FOXN3: variants seen among roughly 807,000 people sequenced by gnomAD.
FOXN3 encodes the protein forkhead box protein N3.
In FOXN3, 7 loss-of-function variants were observed where a neutral mutation model predicts 38.4. The ratio of observed to expected loss-of-function variants is 0.18; its 90% CI spans 0.10 to 0.34. FOXN3 has a LOEUF of 0.34. Ranked by LOEUF, FOXN3 falls within the 10% of genes least tolerant of loss-of-function variation. The pLI, the probability that FOXN3 is intolerant of heterozygous loss-of-function variation, is 1.00. For missense variants in FOXN3, 456 were observed against 613.4 expected, an observed-to-expected ratio of 0.74 and a Z score of 2.71; for synonymous variants, 230 against 242.2, an observed-to-expected ratio of 0.95 and a Z score of 0.47.
At chr14:89,402,661 T>A (rs1229417923) in intron 2 of FOXN3, among the ~76,000 whole-genome samples, 1 of 152,130 alleles carries the variant, frequency 6.6e-6, no homozygotes, top group Non-Finnish European at 1.5e-5. Flanking sequence ...CTCCTGTCCT[T>A]CCCTGCACTC....
chr14:89,533,715 A>G (rs936815822), intron 1 of FOXN3, among the ~76,000 whole-genome samples: 2 of 149,612 alleles, frequency 1.3e-5, no homozygotes, highest in Non-Finnish European at 3.0e-5. Flanking sequence ...TTTAAGGTGA[A>G]AGCTTATTAT....
At chr14:89,380,679 C>G (rs146963131) in intron 2 of FOXN3, among the ~76,000 whole-genome samples, 1 of 152,368 alleles carries the variant, frequency 6.6e-6, no homozygotes, top group African/African-American at 2.4e-5. Flanking sequence ...AGGGTGCCCA[C>G]AACCCCGTCC....
Position 89,412,812 on chromosome 14 carries a change from T to C in FOXN3, c.-14-322A>G, listed in dbSNP as rs977311463. On this transcript the variant is annotated intron_variant, in intron 1 of 5. Coordinates refer to ENST00000557258, the MANE Select transcript of FOXN3 (RefSeq NM_005197.4). This position sits in a 1 kb window ranked among gnomAD's most constrained non-coding sequence, Gnocchi z 4.7. Reference sequence around the variant, plus strand: ...ACTTTGGGAGGCTGAGGCGGGACGATTGCTTGAGACCAGGAGACCAGTTTT... The same window carrying C: ...ACTTTGGGAGGCTGAGGCGGGACGACTGCTTGAGACCAGGAGACCAGTTTT... Among the ~76,000 whole-genome samples the C allele has an allele frequency of 1.4e-4, 21 of 152,208 alleles. No homozygotes were observed. The highest frequency in any genetic ancestry group is 3.9e-4 in the East Asian group (2 of 5,192).
chr14:89,482,409 C>T (rs1335060254), intron 1 of FOXN3, among the ~76,000 whole-genome samples: 1 of 151,938 alleles, frequency 6.6e-6, no homozygotes, highest in Non-Finnish European at 1.5e-5. Flanking sequence ...TTGCTTAAGC[C>T]CAGAAGTTTG....
At chr14:89,608,905 T>C (rs1896334817) in intron 1 of FOXN3, among the ~76,000 whole-genome samples, 1 of 152,190 alleles carries the variant, frequency 6.6e-6, no homozygotes, top group African/African-American at 2.4e-5. Context: ...AATGGGTGTG[T>C]GCTGGGAAGG....
At chr14:89,189,823 C>T (rs1271278389) in intron 4 of FOXN3, among the ~76,000 whole-genome samples, 1 of 152,148 alleles carries the variant, frequency 6.6e-6, no homozygotes, top group Non-Finnish European at 1.5e-5. Context: ...GCTAAACAGC[C>T]CTACCCTGCT....
intron 1 of FOXN3, among the ~76,000 whole-genome samples, chr14:89,432,496 T>C (rs1039320330): frequency 1.3e-5 from 2 of 152,210 alleles, no homozygotes; most frequent in African/African-American, 2.4e-5. Context: ...ACCTGCATTA[T>C]TTATTCCATC....
chr14:89,178,768 G>A (rs1335687011), intron 5 of FOXN3, among the ~76,000 whole-genome samples: 1 of 152,206 alleles, frequency 6.6e-6, no homozygotes, highest in Non-Finnish European at 1.5e-5. Flanking sequence ...GGCGGCTCCT[G>A]TTGAAGGTCC....
chr14:89,462,530 C>T (rs373745715), intron 1 of FOXN3, among the ~76,000 whole-genome samples: 1 of 152,244 alleles, frequency 6.6e-6, no homozygotes, highest in South Asian at 2.1e-4. Context: ...CTGTGGTAGA[C>T]ACTGGAAAGT....
chr14:89,333,988 A>ATATATATC (rs1566959325), intron 3 of FOXN3, among the ~76,000 whole-genome samples: 64 of 83,762 alleles, frequency 7.6e-4, no homozygotes, highest in African/African-American at 2.2e-3. Context: ...ATATATATAT[A>ATATATATC]TATATATATA....
At chr14:89,429,358 G>A (rs1212410225) in intron 1 of FOXN3, among the ~76,000 whole-genome samples, 1 of 152,078 alleles carries the variant, frequency 6.6e-6, no homozygotes, top group Non-Finnish European at 1.5e-5. Flanking sequence ...GGTCTAAAAC[G>A]CCTGGCACCA....
chr14:89,331,013 C>T (rs549731281), intron 3 of FOXN3, among the ~76,000 whole-genome samples: 11 of 152,300 alleles, frequency 7.2e-5, no homozygotes, highest in South Asian at 2.1e-4. Flanking sequence ...TCTTCTTTTG[C>T]GCCTAGATTC....
At chr14:89,325,039 T>A (rs1888009867) in intron 3 of FOXN3, among the ~76,000 whole-genome samples, 3 of 152,022 alleles carry the variant, frequency 2.0e-5, no homozygotes, top group Admixed American at 1.3e-4. Flanking sequence ...TAAAGGAAAC[T>A]AAAAATGCAA....
rs1245490421 is a variant in FOXN3, at chr14:89,160,333, AT to A, written c.*2080del. ...AGCTCTCGCAATCTAGGTGGTCTTA[AT>A]TCCAGGTTGGTCAGTGTGCTGAAGG... On this transcript the variant is annotated 3_prime_UTR_variant, in exon 6 of 6. Coordinates refer to ENST00000557258, the MANE Select transcript of FOXN3 (RefSeq NM_005197.4). 1 of 150,794 alleles carries A rather than the reference AT, an allele frequency of 6.6e-6. No homozygotes were observed. Among genetic ancestry groups the A allele is most frequent in the Non-Finnish European group, 1.5e-5 (1 of 67,810 alleles). The allele number at this position is 150,794 out of a possible 1,614,324, so 9.3% of individuals were successfully genotyped here.
intron 1 of FOXN3, among the ~76,000 whole-genome samples, chr14:89,604,249 A>G (rs28410747): frequency 1.6e-4 from 20 of 123,846 alleles, no homozygotes; most frequent in Middle Eastern, 8.1e-3. Context: ...ACGTGCGCGC[A>G]CACACACGCG....
At chr14:89,421,390 C>T (rs1269617156), upstream of FOXN3, among the ~76,000 whole-genome samples, 2 of 150,158 alleles carry the variant, frequency 1.3e-5, no homozygotes, top group East Asian at 2.0e-4. Flanking sequence ...TCAGGTGATC[C>T]GCCTGCCTCA....
intron 1 of FOXN3, among the ~76,000 whole-genome samples, chr14:89,488,495 A>G (rs1013328769): frequency 2.0e-5 from 3 of 152,020 alleles, no homozygotes; most frequent in Non-Finnish European, 4.4e-5. Flanking sequence ...AAAATACAAA[A>G]CAAAACAAAA....
chr14:89,468,915 G>A (rs1893037753), intron 1 of FOXN3, among the ~76,000 whole-genome samples: 1 of 152,162 alleles, frequency 6.6e-6, no homozygotes, highest in South Asian at 2.1e-4. Context: ...CATTTTGAGA[G>A]ACGTCGCCAG....
intron 3 of FOXN3, among the ~76,000 whole-genome samples, chr14:89,304,543 T>G (rs1887318272): frequency 6.6e-6 from 1 of 152,160 alleles, no homozygotes; most frequent in Admixed American, 6.5e-5. Context: ...AGGGCTGTTT[T>G]TTTAGAAATC....
Sources: allele counts gnomAD v4.1 joint callset (sites outside exome capture counted in the v4.1 genomes callset), GRCh38; gene constraint gnomAD v4.1.1; non-coding constraint Gnocchi (gnomAD v3.1); transcripts MANE v1.5; gene names NCBI Gene and HGNC (gene_info 2026-07-23, HGNC 2026-07-21).